The following ESRRG variants were observed in gnomAD, a reference collection of about 807,000 sequenced individuals.
ESRRG encodes estrogen-related receptor gamma.
ESRRG carries 13 observed loss-of-function variants against 44.0 expected under a neutral mutation model. The observed-to-expected ratio is 0.30, with a 90% CI of 0.19 to 0.47. The LOEUF (loss-of-function observed/expected upper bound fraction) is 0.47. ESRRG is among the 20% of genes least tolerant of loss of function. The pLI, the probability that ESRRG is intolerant of heterozygous loss-of-function variation, is 1.00. For synonymous variants in ESRRG, 215 were observed against 214.6 expected, an observed-to-expected ratio of 1.00 and a Z score of -0.02; for missense variants, 395 against 580.6, an observed-to-expected ratio of 0.68 and a Z score of 3.29.
At chr1:216,676,574 C>T (rs2076148397) in intron 2 of ESRRG, among the ~76,000 whole-genome samples, 1 of 152,146 alleles carries the variant, frequency 6.6e-6, no homozygotes. Context: ...TATACAATCT[C>T]AGGCAGGCCC....
intron 5 of ESRRG, among the ~76,000 whole-genome samples, chr1:216,544,490 C>A (rs2053863207): frequency 6.6e-6 from 1 of 151,914 alleles, no homozygotes; most frequent in South Asian, 2.1e-4. Flanking sequence ...ATACCCAAAC[C>A]CACATTACAC....
At chr1:217,059,720 G>A (rs1580231542) in intron 1 of ESRRG, among the ~76,000 whole-genome samples, 1 of 152,000 alleles carries the variant, frequency 6.6e-6, no homozygotes, top group Non-Finnish European at 1.5e-5. Context: ...CAATTTGCAG[G>A]AAATACAGGG....
rs1365779917 is a variant in ESRRG, at chr1:216,651,039, G to A, written c.523C>T (p.Arg175Cys). The A allele has an allele frequency of 6.2e-6, 10 of 1,613,342 alleles. No homozygotes were observed. The highest frequency in any genetic ancestry group is 2.2e-5 in the South Asian group (2 of 91,070). The change falls in exon 3 of 7, where the codon CGC (arginine) becomes TGC (cysteine). Residue 175 changes from arginine (R) to cysteine (C), a missense_variant. Transcript: ENST00000408911. ...CAAGCCTGGCAGGATTTACGTCTGCGCTTTGTGATTTCACATTCATTCGTG... is the reference window on the plus strand; with the variant it reads ...CAAGCCTGGCAGGATTTACGTCTGCACTTTGTGATTTCACATTCATTCGTG... ...PATNECEITKRRRKSCQACRF... is the reference protein window; with the variant it reads ...PATNECEITKCRRKSCQACRF...
chr1:216,708,875 T>C (rs1288830683), intron 1 of ESRRG, among the ~76,000 whole-genome samples: 2 of 152,122 alleles, frequency 1.3e-5, no homozygotes, highest in African/African-American at 4.8e-5. Context: ...CACGGAATAC[T>C]GTGAAGCCAT....
Position 216,779,437 on chromosome 1 carries a change from A to AATATAAATAT in ESRRG, c.-13-101947_-13-101946insATATTTATAT, listed in dbSNP as rs2093798858. 3.2e-4 allele frequency among the ~76,000 whole-genome samples: 4 copies of AATATAAATAT among 12,564 alleles called. No homozygotes were observed. The South Asian group carries it at 0.016, about 49-fold the overall frequency. 8.2% of individuals were successfully genotyped at this position (12,564 alleles called of 152,430 possible). A position where few individuals can be genotyped will look rare whatever the true frequency, so the allele number is the denominator to read the frequency against. ...ATAAATATTTATAAATTTATTTATA[A>AATATAAATAT]AAATAAATATTTATAAATATAAATA... On this transcript the variant is annotated intron_variant, in intron 2 of 7. Transcript: ENST00000359162.
chr1:216,776,299 C>A (rs1316831144), intron 2 of ESRRG, among the ~76,000 whole-genome samples: 1 of 152,044 alleles, frequency 6.6e-6, no homozygotes, highest in African/African-American at 2.4e-5. Flanking sequence ...GCAACCACTC[C>A]CCACTCTACT....
intron 6 of ESRRG, among the ~76,000 whole-genome samples, chr1:216,518,785 G>C (rs2045175990): frequency 6.6e-6 from 1 of 152,136 alleles, no homozygotes; most frequent in African/African-American, 2.4e-5. Context: ...AGGGAAAAAT[G>C]GTTTGTGTGT....
At chr1:216,658,601 A>C (rs1055809919) in intron 2 of ESRRG, among the ~76,000 whole-genome samples, 1 of 150,806 alleles carries the variant, frequency 6.6e-6, no homozygotes, top group African/African-American at 2.4e-5. Context: ...CAGGTGGATC[A>C]CCTGAGGTCA....
chr1:216,868,786 A>C (rs1161469847), intron 2 of ESRRG, among the ~76,000 whole-genome samples: 1 of 152,196 alleles, frequency 6.6e-6, no homozygotes, highest in Non-Finnish European at 1.5e-5. Context: ...AAATTTCATT[A>C]ATATTTTAAT....
chr1:216,794,980 C>T (rs2094434397), intron 2 of ESRRG, among the ~76,000 whole-genome samples: 1 of 152,094 alleles, frequency 6.6e-6, no homozygotes, highest in South Asian at 2.1e-4. Context: ...AAGCCAACAG[C>T]CAGAATCATT....
At chr1:216,915,171 T>C (rs1484120501) in intron 2 of ESRRG, among the ~76,000 whole-genome samples, 1 of 152,126 alleles carries the variant, frequency 6.6e-6, no homozygotes, top group Admixed American at 6.6e-5. Flanking sequence ...ACCTCATGAA[T>C]TGCAGCACAC....
chr1:217,064,680 A>T (rs1195586289), intron 1 of ESRRG, among the ~76,000 whole-genome samples: 3 of 152,236 alleles, frequency 2.0e-5, no homozygotes, highest in African/African-American at 7.2e-5. Context: ...AAATACAGGC[A>T]TTCCTTACCA....
At chr1:216,806,690 G>A (rs542276670) in intron 2 of ESRRG, among the ~76,000 whole-genome samples, 1 of 152,022 alleles carries the variant, frequency 6.6e-6, no homozygotes, top group African/African-American at 2.4e-5. Context: ...ATTAAGTATC[G>A]GGTAAAACTC....
At chr1:216,786,532 T>C (rs1205443724) in intron 2 of ESRRG, among the ~76,000 whole-genome samples, 1 of 152,012 alleles carries the variant, frequency 6.6e-6, no homozygotes, top group African/African-American at 2.4e-5. Flanking sequence ...AAAGTAAAAC[T>C]AACAGAAACA....
intron 3 of ESRRG, among the ~76,000 whole-genome samples, chr1:216,581,117 A>G (rs1266388069): frequency 1.3e-5 from 2 of 152,186 alleles, no homozygotes; most frequent in Non-Finnish European, 2.9e-5. Flanking sequence ...ACTAAATAAC[A>G]TATTTTGAAA....
intron 2 of ESRRG, among the ~76,000 whole-genome samples, chr1:216,790,892 CCAAGA>C (rs1285307524): frequency 2.6e-5 from 4 of 152,002 alleles, no homozygotes; most frequent in African/African-American, 7.2e-5. Context: ...AATGGAAAGG[CCAAGA>C]CAATCAGAGA....
intron 2 of ESRRG, among the ~76,000 whole-genome samples, chr1:216,744,510 A>ACC (rs1409461946): frequency 2.1e-5 from 3 of 139,556 alleles, no homozygotes; most frequent in Non-Finnish European, 4.7e-5. Context: ...ACACACACAC[A>ACC]CCTCTGTACA....
At chr1:216,515,295 G>GTA (rs1029669489) in intron 6 of ESRRG, among the ~76,000 whole-genome samples, 7 of 151,882 alleles carry the variant, frequency 4.6e-5, no homozygotes, top group South Asian at 2.1e-4. Context: ...GTATGTATGT[G>GTA]TATATATATA....
At chr1:217,071,659 C>A (rs761389137) in intron 1 of ESRRG, among the ~76,000 whole-genome samples, 5 of 152,014 alleles carry the variant, frequency 3.3e-5, no homozygotes, top group Admixed American at 2.0e-4. Context: ...GGATGTTGCC[C>A]CATCAAATAG....
Sources: allele counts gnomAD v4.1 joint callset (sites outside exome capture counted in the v4.1 genomes callset), GRCh38; gene constraint gnomAD v4.1.1; transcripts MANE v1.5; gene names NCBI Gene and HGNC (gene_info 2026-07-23, HGNC 2026-07-21).